ANKRD28: variants seen among roughly 807,000 people sequenced by gnomAD.
The protein encoded by ANKRD28 is ankyrin repeat domain 28.
In ANKRD28, 44 loss-of-function variants were observed where a neutral mutation model predicts 126.5. That is an observed-to-expected ratio of 0.35 (90% CI 0.27 to 0.45). The LOEUF is 0.45. Ranked by LOEUF, ANKRD28 falls within the 20% of genes least tolerant of loss-of-function variation. The pLI is 1.00. For synonymous variants in ANKRD28, 442 were observed against 468.5 expected (o/e 0.94, Z 0.73); for missense variants, 1,110 against 1,316.6 (o/e 0.84, Z 2.43).
At chr3:15,822,579 C>T (rs1293267312) in intron 1 of ANKRD28, among the ~76,000 whole-genome samples, 3 of 151,848 alleles carry the variant, frequency 2.0e-5, no homozygotes, top group African/African-American at 7.3e-5. Flanking sequence ...ATCCTGGTCA[C>T]AAGAGAAAAA....
At chr3:15,713,734 C>T (rs2072631407) in intron 9 of ANKRD28, 93 bp from the exon 10 acceptor site, 1 of 717,132 alleles carries the variant, frequency 1.4e-6, no homozygotes, top group Non-Finnish European at 2.2e-6. Context: ...TGTTCACATA[C>T]AAACTAATAG....
intron 9 of ANKRD28, 27 bp downstream of exon 9, chr3:15,714,551 C>CA (rs375073303): frequency 0.055 from 53,516 of 972,340 alleles, 45 homozygotes; most frequent in South Asian, 0.077. Flanking sequence ...AAAAAAACCC[C>CA]AAAAAAAAAA....
At chr3:15,749,127 G>T (rs575779749) in intron 4 of ANKRD28, among the ~76,000 whole-genome samples, 1 of 97,648 alleles carries the variant, frequency 1.0e-5, no homozygotes, top group Admixed American at 1.1e-4. Context: ...TTTTTGAGAC[G>T]GAGTCTCGCT....
intron 2 of ANKRD28, among the ~76,000 whole-genome samples, chr3:15,771,823 A>C (rs1199336268): frequency 1.3e-5 from 2 of 152,220 alleles, no homozygotes; most frequent in African/African-American, 4.8e-5. Context: ...CATTAAAATA[A>C]AGCAAAATCA....
At position 15,679,315 on chromosome 3, in the gene ANKRD28, T is replaced by C; in HGVS notation, c.2547A>G (p.Thr849=). 1 of 1,613,944 alleles carries C rather than the reference T, an allele frequency of 6.2e-7. No homozygotes were observed. Among genetic ancestry groups the C allele is most frequent in the Non-Finnish European group, 8.5e-7 (1 of 1,179,838 alleles). The part of the protein sequence containing the change: ...DTLGASIVNA[T]DSKGRTPLHA... ...TGAATTCCTACCTTCCTTTTGAATC[T>C]GTGGCGTTCACAATGCTGGCACCTA... Residue 849 remains threonine, a synonymous_variant, in exon 23 of 28, where the codon ACA becomes ACG. Transcript: ENST00000683139.
At chr3:15,819,086 T>G (rs2060889794) in intron 1 of ANKRD28, among the ~76,000 whole-genome samples, 1 of 152,146 alleles carries the variant, frequency 6.6e-6, no homozygotes, top group Non-Finnish European at 1.5e-5. Context: ...AAGACCAGCC[T>G]AGGCAACATG....
intron 2 of ANKRD28, among the ~76,000 whole-genome samples, chr3:15,770,578 T>C (rs7630373): frequency 0.096 from 14,594 of 152,110 alleles, 2,138 homozygotes; most frequent in African/African-American, 0.31. Context: ...GTAAGAACAA[T>C]TGAAATCAAA....
At chr3:15,695,463 CTATAT>C (rs1399749396) in intron 15 of ANKRD28, among the ~76,000 whole-genome samples, 1 of 152,112 alleles carries the variant, frequency 6.6e-6, no homozygotes, top group Non-Finnish European at 1.5e-5. Context: ...GCTCTAAGTG[CTATAT>C]TAAATTGTCA....
chr3:15,797,199 AAAACAAAAAC>A lies in ANKRD28; in HGVS notation c.-688_-679del. 7.6e-6 allele frequency: 7 copies of A among 924,992 alleles called. No homozygotes were observed. The African/African-American group carries it at 1.6e-4, about 21-fold the overall frequency. 57.3% of individuals were successfully genotyped at this position (924,992 alleles called of 1,614,324 possible). A position where few individuals can be genotyped will look rare whatever the true frequency, so the allele number is the denominator to read the frequency against. On this transcript the variant is annotated 5_prime_UTR_variant, in exon 1 of 28. It removes the in-frame stop codon of an upstream open reading frame in the 5' UTR. Transcript: ENST00000683139. The stretch of plus-strand genomic sequence containing the variant: ...CTTTCAGTGTTTGGGAAAGGGGCAA[AAAACAAAAAC>A]AAAAAAAAAAAAACCACTCTGCATT...
At chr3:15,728,318 G>A (rs1169039928) in intron 6 of ANKRD28, among the ~76,000 whole-genome samples, 2 of 151,884 alleles carry the variant, frequency 1.3e-5, no homozygotes, top group African/African-American at 2.4e-5. Context: ...TTTTAGAAAC[G>A]GGGTCTTGCT....
chr3:15,672,423 T>A (rs1159436342), intron 27 of ANKRD28, among the ~76,000 whole-genome samples: 2 of 152,168 alleles, frequency 1.3e-5, no homozygotes, highest in Non-Finnish European at 2.9e-5. Context: ...ATTATAGGAG[T>A]AAGCCACTGT....
At chr3:15,827,021 T>G (rs1462237594) in intron 1 of ANKRD28, among the ~76,000 whole-genome samples, 1 of 152,128 alleles carries the variant, frequency 6.6e-6, no homozygotes, top group Non-Finnish European at 1.5e-5. Context: ...TTTTAAAAAG[T>G]TCACTCTCTC....
At chr3:15,737,325 T>A in intron 4 of ANKRD28, 92 bp from the exon 5 acceptor site, 1 of 1,041,004 alleles carries the variant, frequency 9.6e-7, no homozygotes, top group Admixed American at 2.7e-5. Flanking sequence ...TATAAATATG[T>A]ATCTACATAT....
intron 2 of ANKRD28, among the ~76,000 whole-genome samples, chr3:15,777,529 T>C (rs914163824): frequency 1.3e-5 from 2 of 152,124 alleles, no homozygotes; most frequent in African/African-American, 4.8e-5. Flanking sequence ...GATGAAACCT[T>C]GACCTACAGT....
intron 1 of ANKRD28, among the ~76,000 whole-genome samples, chr3:15,834,828 G>A (rs905032014): frequency 1.3e-5 from 2 of 152,116 alleles, no homozygotes; most frequent in African/African-American, 2.4e-5. Context: ...TTTTTTAAAA[G>A]TAAAGATCAA....
intron 6 of ANKRD28, among the ~76,000 whole-genome samples, chr3:15,730,462 C>T (rs984206542): frequency 4.6e-5 from 7 of 152,098 alleles, no homozygotes; most frequent in African/African-American, 1.7e-4. Context: ...AAAGCCAGGG[C>T]TAATAAGGAA....
chr3:15,757,599 A>G (rs184469859), intron 3 of ANKRD28, among the ~76,000 whole-genome samples: 1 of 152,140 alleles, frequency 6.6e-6, no homozygotes, highest in Non-Finnish European at 1.5e-5. Flanking sequence ...ATGCCCTTGT[A>G]AAAGTGGCCC....
rs567963146 is a variant in ANKRD28 at position 15,824,521 on chromosome 3, T to C, written c.28-29215A>G. ...TTCAGCAAAGTTGCAGAATATAAGATAAAGTCACAAAATCTGTTGCTTTTC... is the reference window on the plus strand; with the variant it reads ...TTCAGCAAAGTTGCAGAATATAAGACAAAGTCACAAAATCTGTTGCTTTTC... On this transcript the variant is annotated intron_variant, in intron 1 of 27. Transcript: ENST00000399451. Among the ~76,000 whole-genome samples the C allele has an allele frequency of 2.6e-5, 4 of 152,216 alleles. No individual in the cohort carries two copies. The South Asian group carries it at 6.2e-4, about 24-fold the overall frequency.
chr3:15,713,679 T>C lies in ANKRD28; in HGVS notation c.1076-38A>G, dbSNP rs772749967. On this transcript the variant is annotated intron_variant, in intron 9 of 27. Transcript: ENST00000683139. ...ACTTACTGTCAGACACTGGACCATA[T>C]AAAGATCAGGTCAAACGTACTACAT... 7.9e-6 allele frequency: 11 copies of C among 1,388,314 alleles called. No homozygotes were observed. In the South Asian group the frequency reaches 1.0e-4, roughly 13 times the overall value. The allele number at this position is 1,388,314 out of a possible 1,614,324, so 86.0% of individuals were successfully genotyped here. A position where few individuals can be genotyped will look rare whatever the true frequency, so the allele number is the denominator to read the frequency against.
Sources: gnomAD v4.1 joint callset for allele counts (sites outside exome capture counted in the v4.1 genomes callset) on GRCh38, gnomAD v4.1.1 for gene constraint, MANE v1.5 for transcripts, NCBI Gene and HGNC (gene_info 2026-07-23, HGNC 2026-07-21) for gene names.